The following STAG1 variants were observed in gnomAD, a reference collection of about 807,000 sequenced individuals.
STAG1 encodes the protein STAG1 cohesin complex component.
STAG1 carries 26 observed loss-of-function variants against 170.9 expected under a neutral mutation model. The observed-to-expected ratio is 0.15, with a 90% CI of 0.11 to 0.21. The LOEUF (loss-of-function observed/expected upper bound fraction) is 0.21, where lower values mean the gene tolerates loss of function less well. Among genes scored for constraint, STAG1 ranks in the 10% least tolerant of loss-of-function variants. The pLI is 1.00. For missense variants in STAG1, 964 were observed against 1,509.5 expected, an observed-to-expected ratio of 0.64 and a Z score of 5.99; for synonymous variants, 514 against 497.7, an observed-to-expected ratio of 1.03 and a Z score of -0.44.
intron 1 of STAG1, among the ~76,000 whole-genome samples, chr3:136,746,428 G>A (rs1348351120): frequency 5.3e-5 from 8 of 150,822 alleles, no homozygotes; most frequent in Non-Finnish European, 1.2e-4. Flanking sequence ...TATAAATGAT[G>A]AGCTAAAAAA....
intron 22 of STAG1, among the ~76,000 whole-genome samples, chr3:136,378,063 A>C (rs1937705961): frequency 6.6e-6 from 1 of 152,230 alleles, no homozygotes; most frequent in South Asian, 2.1e-4. Context: ...CCTGTGACAC[A>C]CATTACTGCT....
At chr3:136,603,214 T>TA (rs1021448045) in intron 4 of STAG1, among the ~76,000 whole-genome samples, 6 of 151,932 alleles carry the variant, frequency 3.9e-5, no homozygotes, top group African/African-American at 1.2e-4. Context: ...TTTTTTGAGA[T>TA]AGAGTCTGGC....
intron 20 of STAG1, among the ~76,000 whole-genome samples, chr3:136,418,822 G>C (rs1272527190): frequency 6.6e-6 from 1 of 151,740 alleles, no homozygotes; most frequent in African/African-American, 2.4e-5. Context: ...TTGTATTTTT[G>C]TAGACATGGG....
intron 4 of STAG1, among the ~76,000 whole-genome samples, chr3:136,573,884 T>C (rs984889884): frequency 6.6e-6 from 1 of 151,964 alleles, no homozygotes; most frequent in Non-Finnish European, 1.5e-5. Context: ...GGCAGGAGAA[T>C]GGCGAGAACC....
intron 1 of STAG1, among the ~76,000 whole-genome samples, chr3:136,697,123 A>G (rs1025828929): frequency 6.6e-6 from 1 of 152,208 alleles, no homozygotes; most frequent in African/African-American, 2.4e-5. Flanking sequence ...ATGAAATTTT[A>G]AAGTTTATTT....
intron 24 of STAG1, 141 bp from the exon 25 acceptor site, chr3:136,367,223 GTTACA>G (rs1937108940): frequency 3.0e-6 from 2 of 668,666 alleles, no homozygotes; most frequent in East Asian, 5.1e-5. Flanking sequence ...GACAAAAACT[GTTACA>G]TTAATTATTT....
intron 1 of STAG1, among the ~76,000 whole-genome samples, chr3:136,724,160 G>GC (rs1559974008): frequency 7.9e-5 from 12 of 152,068 alleles, no homozygotes; most frequent in East Asian, 5.8e-4. Flanking sequence ...TGGAATAGAG[G>GC]AGGGGAGAAA....
intron 4 of STAG1, among the ~76,000 whole-genome samples, chr3:136,580,521 CTT>C (rs760635116): frequency 0.055 from 5,433 of 99,450 alleles, 23 homozygotes; most frequent in Non-Finnish European, 0.062. Context: ...TTGTATAATT[CTT>C]TTTTTTTTTT....
chr3:136,520,063 A>C (rs944513891), intron 7 of STAG1, among the ~76,000 whole-genome samples: 6 of 152,130 alleles, frequency 3.9e-5, no homozygotes, highest in African/African-American at 4.8e-5. Flanking sequence ...TAAGGGAAAA[A>C]TGAGAATTGG....
At chr3:136,500,523 C>T (rs1933408549) in intron 8 of STAG1, among the ~76,000 whole-genome samples, 1 of 152,180 alleles carries the variant, frequency 6.6e-6, no homozygotes, top group African/African-American at 2.4e-5. Context: ...ACAAACTTCA[C>T]AATCACAAAC....
chr3:136,670,185 T>C (rs1043684756), intron 1 of STAG1, among the ~76,000 whole-genome samples: 7 of 152,182 alleles, frequency 4.6e-5, no homozygotes, highest in Admixed American at 1.3e-4. Context: ...AAAAAGCACA[T>C]AGGTATATGT....
intron 3 of STAG1, among the ~76,000 whole-genome samples, chr3:136,611,332 A>T (rs2107816499): frequency 6.6e-6 from 1 of 152,034 alleles, no homozygotes; most frequent in South Asian, 2.1e-4. Context: ...TGTTTTTAGT[A>T]GAGATGAGGT....
chr3:136,465,957 G>T (rs973902299), intron 12 of STAG1, among the ~76,000 whole-genome samples: 1 of 151,978 alleles, frequency 6.6e-6, no homozygotes, highest in African/African-American at 2.4e-5. Context: ...GAAAATAGAG[G>T]GAAAACTAAC....
At chr3:136,634,095 C>A (rs1281480989) in intron 1 of STAG1, among the ~76,000 whole-genome samples, 1 of 148,894 alleles carries the variant, frequency 6.7e-6, no homozygotes, top group East Asian at 2.0e-4. Context: ...GAGCCAAGAT[C>A]GTACCACTGC....
At chr3:136,651,438 T>A (rs112985689) in intron 1 of STAG1, among the ~76,000 whole-genome samples, 1 of 150,250 alleles carries the variant, frequency 6.7e-6, no homozygotes, top group Admixed American at 6.6e-5. Flanking sequence ...CAGACTCTGA[T>A]CTTGGCTGTA....
intron 21 of STAG1, among the ~76,000 whole-genome samples, chr3:136,403,614 AAATT>A: frequency 6.6e-6 from 1 of 152,304 alleles, no homozygotes; most frequent in South Asian, 2.1e-4. Flanking sequence ...AGTGATATAT[AAATT>A]AATAGTAATC....
intron 4 of STAG1, among the ~76,000 whole-genome samples, chr3:136,591,173 A>G (rs1938146565): frequency 6.9e-6 from 1 of 143,900 alleles, no homozygotes; most frequent in South Asian, 2.2e-4. Flanking sequence ...TTAATGAGTG[A>G]CCTGCAGAAT....
intron 5 of STAG1, among the ~76,000 whole-genome samples, chr3:136,565,003 AAGGAAGGAAGGC>A (rs1213172403): frequency 1.3e-3 from 83 of 62,470 alleles, no homozygotes; most frequent in African/African-American, 7.3e-3. Flanking sequence ...GGAAGGAAGG[AAGGAAGGAAGGC>A]AGGCAGGCAG....
At chr3:136,518,224 T>C in intron 7 of STAG1, 1 of 567,168 alleles carries the variant, frequency 1.8e-6, no homozygotes, top group East Asian at 2.9e-5. Flanking sequence ...ACTCATCACA[T>C]CTGTACCCTA....
Sources: gnomAD v4.1 joint callset for allele counts (sites outside exome capture counted in the v4.1 genomes callset) on GRCh38, gnomAD v4.1.1 for gene constraint, MANE v1.5 for transcripts, NCBI Gene and HGNC (gene_info 2026-07-23, HGNC 2026-07-21) for gene names.